Variants in HNRNPUL2 observed in about 807,000 individuals in gnomAD.
The protein encoded by HNRNPUL2 is heterogeneous nuclear ribonucleoprotein U-like protein 2.
In HNRNPUL2, 27 loss-of-function variants were observed where a neutral mutation model predicts 102.2. The observed-to-expected ratio is 0.26, with a 90% CI of 0.19 to 0.36. HNRNPUL2 has a LOEUF of 0.36. Ranked by LOEUF, HNRNPUL2 falls within the 10% of genes least tolerant of loss-of-function variation. The pLI is 1.00. For missense variants in HNRNPUL2, 936 were observed against 981.1 expected (o/e 0.95, Z 0.61); for synonymous variants, 458 against 387.2 (o/e 1.18, Z -2.15).
intron 1 of HNRNPUL2, among the ~76,000 whole-genome samples, chr11:62,725,587 A>C (rs1388328362): frequency 1.3e-5 from 2 of 152,204 alleles, no homozygotes; most frequent in Admixed American, 6.5e-5. Flanking sequence ...ACACAGGACA[A>C]ACAATCTGCA....
Position 62,720,134 on chromosome 11 carries a change from G to A in HNRNPUL2, c.1669C>T (p.Arg557Trp). The A allele has an allele frequency of 6.2e-7, 1 of 1,614,012 alleles. No homozygotes were observed. Among genetic ancestry groups the A allele is most frequent in the Non-Finnish European group, 8.5e-7 (1 of 1,179,948 alleles). The change falls in exon 10 of 14, where the codon CGG becomes TGG. Residue 557 changes from arginine (R) to tryptophan (W), a missense_variant. Arg to Trp is a moderately radical substitution (Grantham distance 101, BLOSUM62 -3). This residue lies in a region of HNRNPUL2 where 609 missense variants were observed against 713.0 expected (regional missense o/e 0.85). Transcript: ENST00000301785. ...RKLLLFKTFS[R>W]KVVVVVPNEE... ...TTAGGGACAACCACCACCACTTTCC[G>A]AGAGAAGGTCTTGAACAGCAATAGC...
At chr11:62,724,546 C>G (rs1367931557) in intron 1 of HNRNPUL2, 120 bp from the exon 2 acceptor site, 10 of 1,020,448 alleles carry the variant, frequency 9.8e-6, no homozygotes, top group Non-Finnish European at 1.5e-5. Context: ...CCAGGTTATT[C>G]CCACTACATT....
rs1187963688 is a variant in HNRNPUL2 at position 62,715,016 on chromosome 11, C to T, written c.*283G>A. The T allele has an allele frequency of 1.1e-5, 4 of 366,200 alleles. No individual in the cohort carries two copies. The highest frequency in any genetic ancestry group is 3.6e-5 in the South Asian group (1 of 27,830). 22.7% of individuals were successfully genotyped at this position (366,200 alleles called of 1,614,324 possible). ...AGGCAGCCCTAAGTGCTGCTTTCTGCGCAAATGTTTTTTGATTACAAATCT... is the reference window on the plus strand; with the variant it reads ...AGGCAGCCCTAAGTGCTGCTTTCTGTGCAAATGTTTTTTGATTACAAATCT... On this transcript the variant is annotated 3_prime_UTR_variant, in exon 14 of 14. Coordinates refer to ENST00000301785, the MANE Select transcript of HNRNPUL2 (RefSeq NM_001079559.3).
At chr11:62,726,179 G>A (rs185313311) in intron 1 of HNRNPUL2, among the ~76,000 whole-genome samples, 25 of 152,308 alleles carry the variant, frequency 1.6e-4, no homozygotes, top group Non-Finnish European at 2.9e-5. Flanking sequence ...AACGGACTTT[G>A]ACGGACTTCG....
At chr11:62,720,892 C>T (rs2083697558) in intron 9 of HNRNPUL2, among the ~76,000 whole-genome samples, 1 of 143,212 alleles carries the variant, frequency 7.0e-6, no homozygotes, top group Non-Finnish European at 1.5e-5. Flanking sequence ...AAAAAAGACT[C>T]AGTATCTTTG....
rs2083641379 is a variant in HNRNPUL2 at position 62,714,227 on chromosome 11, ATAGTTGC to A, written c.*1065_*1071del. On this transcript the variant is annotated 3_prime_UTR_variant, in exon 14 of 14. Coordinates refer to ENST00000301785, the MANE Select transcript of HNRNPUL2 (RefSeq NM_001079559.3). ...GCACGAGCCCTCCACACTGTAGAAA[ATAGTTGC>A]TAGTTGCTATTCTCAGCACCTGGGC... 1 of 151,826 alleles carries A rather than the reference ATAGTTGC, an allele frequency of 6.6e-6. No individual in the cohort carries two copies. Among genetic ancestry groups the A allele is most frequent in the Admixed American group, 6.6e-5 (1 of 15,230 alleles). 9.4% of individuals were successfully genotyped at this position (151,826 alleles called of 1,614,324 possible). A position where few individuals can be genotyped will look rare whatever the true frequency, so the allele number is the denominator to read the frequency against.
In HNRNPUL2 at chr11:62,715,201, C is replaced by T; in HGVS notation, c.*98G>A. On this transcript the variant is annotated 3_prime_UTR_variant, in exon 14 of 14. Coordinates refer to ENST00000301785, the MANE Select transcript of HNRNPUL2 (RefSeq NM_001079559.3). Reference sequence around the variant, plus strand: ...ACCCCTCCCCGGCAGCTCAGCCCCACCCCGACAGCCCCTGTTTTCCTTGGT... The same window carrying T: ...ACCCCTCCCCGGCAGCTCAGCCCCATCCCGACAGCCCCTGTTTTCCTTGGT... 1.5e-6 allele frequency: 1 copy of T among 653,130 alleles called. No homozygotes were observed. Among genetic ancestry groups the T allele is most frequent in the Non-Finnish European group, 2.5e-6 (1 of 404,370 alleles). The allele number at this position is 653,130 out of a possible 1,614,324, so 40.5% of individuals were successfully genotyped here. A position where few individuals can be genotyped will look rare whatever the true frequency, so the allele number is the denominator to read the frequency against.
chr11:62,726,788 G>T lies in HNRNPUL2; in HGVS notation c.369C>A (p.Ala123=). 1 of 1,599,432 alleles carries T rather than the reference G, an allele frequency of 6.3e-7. No individual in the cohort carries two copies. The highest frequency in any genetic ancestry group is 8.5e-7 in the Non-Finnish European group (1 of 1,178,912). ...CCGGCTTCTCGGAAGCATCTGGCTC[G>T]GCCGCGGCCTCCATGGCTGCCGCCT... ...PPEAAAMEAA[A]EPDASEKPAE... Residue 123 remains alanine, a synonymous_variant, in exon 1 of 14, where the codon GCC becomes GCA. Transcript: ENST00000301785.
chr11:62,720,734 G>A (rs977410979), intron 9 of HNRNPUL2, among the ~76,000 whole-genome samples: 16 of 151,406 alleles, frequency 1.1e-4, no homozygotes, highest in African/African-American at 3.6e-4. Context: ...CATGGTGGCG[G>A]GCACCTGTAG....
chr11:62,726,570 A>G (rs770245117), intron 1 of HNRNPUL2, 49 bp downstream of exon 1: 19 of 1,472,574 alleles, frequency 1.3e-5, no homozygotes, highest in Non-Finnish European at 1.7e-5. Context: ...GTGCTAGATC[A>G]GGGGCGCAGC....
chr11:62,725,820 T>G (rs145992687), intron 1 of HNRNPUL2, among the ~76,000 whole-genome samples: 1 of 152,258 alleles, frequency 6.6e-6, no homozygotes, highest in Non-Finnish European at 1.5e-5. Flanking sequence ...ACACACCTCT[T>G]CCACAAGGTT....
chr11:62,715,250 AC>A lies in HNRNPUL2; in HGVS notation c.*48del, dbSNP rs952821544. On this transcript the variant is annotated 3_prime_UTR_variant, in exon 14 of 14. Coordinates refer to ENST00000301785, the MANE Select transcript of HNRNPUL2 (RefSeq NM_001079559.3). ...GTTGTGTTTTGCGGGGGTGCCTGGC[AC>A]CCCCAGAGATTCAGCTTCATGGCTG... 3 of 1,403,108 alleles carry A rather than the reference AC, an allele frequency of 2.1e-6. No homozygotes were observed. In the African/African-American group the frequency reaches 4.5e-5, roughly 21 times the overall value. The allele number at this position is 1,403,108 out of a possible 1,614,324, so 86.9% of individuals were successfully genotyped here.
At position 62,720,140 on chromosome 11, in the gene HNRNPUL2, A is replaced by G; in HGVS notation, c.1663T>C (p.Phe555Leu). 6.2e-7 allele frequency: 1 copy of G among 1,614,134 alleles called. No homozygotes were observed. Among genetic ancestry groups the G allele is most frequent in the Non-Finnish European group, 8.5e-7 (1 of 1,179,972 alleles). ...QRRKLLLFKTFSRKVVVVVPN... is the reference protein window; with the variant it reads ...QRRKLLLFKTLSRKVVVVVPN... ...ACAACCACCACCACTTTCCGAGAGA[A>G]GGTCTTGAACAGCAATAGCTTCCGC... The change falls in exon 10 of 14, where the codon TTC becomes CTC. Residue 555 changes from phenylalanine to leucine, a missense_variant. Phe to Leu is a conservative substitution (Grantham distance 22). This residue lies in a region of HNRNPUL2 where 609 missense variants were observed against 713.0 expected (regional missense o/e 0.85). Coordinates refer to ENST00000301785, the MANE Select transcript of HNRNPUL2 (RefSeq NM_001079559.3).
chr11:62,719,702 A>C (rs1389374827), intron 10 of HNRNPUL2, among the ~76,000 whole-genome samples: 1 of 152,208 alleles, frequency 6.6e-6, no homozygotes, highest in Non-Finnish European at 1.5e-5. Flanking sequence ...ACAAGTGTTG[A>C]ATACTTAATC....
intron 10 of HNRNPUL2, among the ~76,000 whole-genome samples, chr11:62,717,560 A>G (rs763444057): frequency 3.4e-4 from 52 of 152,232 alleles, no homozygotes; most frequent in Admixed American, 2.0e-3. Context: ...CATTTTAAAA[A>G]GAGACTCAGA....
intron 10 of HNRNPUL2, among the ~76,000 whole-genome samples, chr11:62,718,259 T>C (rs1433994486): frequency 6.6e-6 from 1 of 152,202 alleles, no homozygotes; most frequent in Admixed American, 6.5e-5. Flanking sequence ...ATATTTCTTA[T>C]GTAGACATTA....
chr11:62,722,573 A>G (rs759225882), intron 6 of HNRNPUL2, 28 bp downstream of exon 6: 1 of 1,575,656 alleles, frequency 6.3e-7, no homozygotes, highest in South Asian at 1.1e-5. Flanking sequence ...GCTCCTTGTT[A>G]TAACCCACAA....
At chr11:62,721,226 C>T (rs376109557) in intron 9 of HNRNPUL2, 69 bp downstream of exon 9, 2 of 1,405,054 alleles carry the variant, frequency 1.4e-6, no homozygotes, top group Non-Finnish European at 1.9e-6. Context: ...GCTGACTCTG[C>T]TCCTTAATTC....
At position 62,715,851 on chromosome 11, in the gene HNRNPUL2, G is replaced by C. The variant is rs754451295; in HGVS notation, c.2055+13C>G. ...CAGCCCAGAGTGAGGAGCAGAAGGA[G>C]AGCTGCACTCACCCCTCTGTTTCCA... is the stretch of plus-strand genomic sequence containing the variant. On this transcript the variant is annotated intron_variant, in intron 12 of 13. Coordinates refer to ENST00000301785, the MANE Select transcript of HNRNPUL2 (RefSeq NM_001079559.3). The C allele has an allele frequency of 1.2e-6, 2 of 1,611,568 alleles. No homozygotes were observed. The highest frequency in any genetic ancestry group is 2.2e-5 in the East Asian group (1 of 44,878).
Sources: gnomAD v4.1 joint callset for allele counts (sites outside exome capture counted in the v4.1 genomes callset) on GRCh38, gnomAD v4.1.1 for gene constraint, gnomAD v4.1.1 regional missense constraint, MANE v1.5 for transcripts, NCBI Gene and HGNC (gene_info 2026-07-23, HGNC 2026-07-21) for gene names.